The following CHSY3 variants were observed in gnomAD, a reference collection of about 807,000 sequenced individuals.
CHSY3 encodes chondroitin sulfate synthase 3.
In CHSY3, 35 loss-of-function variants were observed where a neutral mutation model predicts 67.2. The observed-to-expected ratio is 0.52, with a 90% CI of 0.40 to 0.69. The LOEUF is 0.69. Ranked by LOEUF, CHSY3 falls within the 30% of genes least tolerant of loss-of-function variation. The pLI is 0.00. For missense variants in CHSY3, 1,069 were observed against 1,138.5 expected (o/e 0.94, Z 0.88); for synonymous variants, 474 against 434.7 (o/e 1.09, Z -1.12).
At chr5:130,158,659 G>A (rs1247855505) in intron 2 of CHSY3, among the ~76,000 whole-genome samples, 1 of 152,166 alleles carries the variant, frequency 6.6e-6, no homozygotes, top group African/African-American at 2.4e-5. Flanking sequence ...TCTAAGTGGT[G>A]ACCTTTTATA....
At chr5:130,092,363 A>C (rs985354575) in intron 2 of CHSY3, among the ~76,000 whole-genome samples, 6 of 152,206 alleles carry the variant, frequency 3.9e-5, no homozygotes, top group Admixed American at 1.3e-4. Context: ...CTAATAAGCT[A>C]GACCTGCATA....
At chr5:129,990,696 A>G (rs954043573) in intron 2 of CHSY3, among the ~76,000 whole-genome samples, 7 of 152,136 alleles carry the variant, frequency 4.6e-5, no homozygotes, top group Non-Finnish European at 8.8e-5. Flanking sequence ...CTTATATTCA[A>G]TTATTTCTTA....
At chr5:129,937,176 G>A (rs1318426691) in intron 2 of CHSY3, among the ~76,000 whole-genome samples, 1 of 152,142 alleles carries the variant, frequency 6.6e-6, no homozygotes, top group African/African-American at 2.4e-5. Context: ...GGTTTAATTG[G>A]TTCATGGTTA....
At chr5:130,174,053 T>A (rs2149734097) in intron 2 of CHSY3, among the ~76,000 whole-genome samples, 1 of 152,212 alleles carries the variant, frequency 6.6e-6, no homozygotes, top group African/African-American at 2.4e-5. Context: ...CATAACTAAA[T>A]CATCAACAAT....
chr5:130,083,369 G>A (rs1003166455), intron 2 of CHSY3, among the ~76,000 whole-genome samples: 7 of 151,900 alleles, frequency 4.6e-5, no homozygotes, highest in Admixed American at 2.0e-4. Flanking sequence ...ATCCTCTTCT[G>A]TTACTTTTAA....
At chr5:130,184,149 G>T in intron 2 of CHSY3, 80 bp from the exon 3 acceptor site, 1 of 1,275,336 alleles carries the variant, frequency 7.8e-7, no homozygotes, top group Non-Finnish European at 1.0e-6. Flanking sequence ...TTTTCATTTA[G>T]ATGCTTTAGT....
intron 2 of CHSY3, among the ~76,000 whole-genome samples, chr5:130,110,468 T>C (rs888025804): frequency 8.6e-5 from 13 of 152,006 alleles, no homozygotes; most frequent in Non-Finnish European, 1.8e-4. Flanking sequence ...AAGAAATGTG[T>C]TCTGACATTT....
chr5:130,124,952 A>G (rs1768215541), intron 2 of CHSY3, among the ~76,000 whole-genome samples: 1 of 152,222 alleles, frequency 6.6e-6, no homozygotes, highest in African/African-American at 2.4e-5. Context: ...TCTCAATGCC[A>G]GTAAAAATTC....
chr5:129,904,496 G>A lies in CHSY3; in HGVS notation c.-334G>A. ...AGGGTGGCAGCCTAGGAGCGGACGCGTTGCCGCCGCCGCTGCTCCTCCTCC... is the reference window on the plus strand; with the variant it reads ...AGGGTGGCAGCCTAGGAGCGGACGCATTGCCGCCGCCGCTGCTCCTCCTCC... On this transcript the variant is annotated 5_prime_UTR_variant, in exon 1 of 3. Coordinates refer to ENST00000305031, the MANE Select transcript of CHSY3 (RefSeq NM_175856.5). 1 of 230,720 alleles carries A rather than the reference G, an allele frequency of 4.3e-6. No homozygotes were observed. The highest frequency in any genetic ancestry group is 8.3e-6 in the Non-Finnish European group (1 of 120,192). 14.3% of individuals were successfully genotyped at this position (230,720 alleles called of 1,614,324 possible).
intron 2 of CHSY3, among the ~76,000 whole-genome samples, chr5:130,025,714 C>G (rs1005371728): frequency 6.6e-6 from 1 of 151,936 alleles, no homozygotes; most frequent in Admixed American, 6.6e-5. Context: ...AGCAGAAGGG[C>G]CAGGGAACTC....
At chr5:129,964,590 G>A (rs973003655) in intron 2 of CHSY3, among the ~76,000 whole-genome samples, 3 of 151,650 alleles carry the variant, frequency 2.0e-5, no homozygotes, top group Non-Finnish European at 4.4e-5. Flanking sequence ...ACAATGCGCA[G>A]TCCTATCTCG....
intron 2 of CHSY3, among the ~76,000 whole-genome samples, chr5:129,910,504 C>A (rs1760499538): frequency 6.6e-6 from 1 of 151,760 alleles, no homozygotes; most frequent in Non-Finnish European, 1.5e-5. Flanking sequence ...TGATTTAATT[C>A]TAATAAAAAA....
At chr5:130,119,839 G>C (rs1161996445) in intron 2 of CHSY3, among the ~76,000 whole-genome samples, 1 of 151,732 alleles carries the variant, frequency 6.6e-6, no homozygotes, top group South Asian at 2.1e-4. Context: ...TTTAGTCTAC[G>C]CAAAAAGGCA....
At position 130,143,736 on chromosome 5, in the gene CHSY3, ATATATATATATATATATATATGTGTGTG is replaced by A. The variant is rs1561557047; in HGVS notation, c.1087-40491_1087-40464del. Among the ~76,000 whole-genome samples, 528 of 95,212 alleles carry A rather than the reference ATATATATATATATATATATATGTGTGTG, an allele frequency of 5.5e-3. 7 individuals are homozygous for A. Among genetic ancestry groups the A allele is most frequent in the Non-Finnish European group, 6.8e-3 (330 of 48,266 alleles). 62.5% of individuals were successfully genotyped at this position (95,212 alleles called of 152,430 possible). ...TATATATATATGTGTGTGTGTGTGT[ATATATATATATATATATATATGTGTGTG>A]TGTGTATATATATATATGTGTATAT... On this transcript the variant is annotated intron_variant, in intron 2 of 2. Transcript: ENST00000305031.
At chr5:129,964,001 C>T (rs1481814189) in intron 2 of CHSY3, among the ~76,000 whole-genome samples, 1 of 151,922 alleles carries the variant, frequency 6.6e-6, no homozygotes, top group Non-Finnish European at 1.5e-5. Flanking sequence ...TCACTTTCTC[C>T]ATCCTCACTG....
chr5:129,972,267 C>T (rs892978727), intron 2 of CHSY3, among the ~76,000 whole-genome samples: 1 of 151,844 alleles, frequency 6.6e-6, no homozygotes, highest in African/African-American at 2.4e-5. Flanking sequence ...TCTAAATGGA[C>T]CTTAGGGTTG....
chr5:130,132,565 T>TTAGA (rs1179360919), intron 2 of CHSY3, among the ~76,000 whole-genome samples: 12 of 152,312 alleles, frequency 7.9e-5, no homozygotes, highest in African/African-American at 2.9e-4. Context: ...ATATAAGTAG[T>TTAGA]TAGACCTTCT....
chr5:129,935,962 A>T (rs1251564119), intron 2 of CHSY3, among the ~76,000 whole-genome samples: 1 of 152,226 alleles, frequency 6.6e-6, no homozygotes, highest in Non-Finnish European at 1.5e-5. Flanking sequence ...TTGTTGATTC[A>T]AACACACTTT....
Position 129,919,301 on chromosome 5 carries a change from G to A in CHSY3, c.1086+10941G>A, listed in dbSNP as rs188100300. ...ACACATATCAGTATTACAGAATGCT[G>A]GGATAAATGTGCAAATAGATGCAAA... On this transcript the variant is annotated intron_variant, in intron 2 of 2. Transcript: ENST00000305031. 1.2e-4 allele frequency among the ~76,000 whole-genome samples: 18 copies of A among 152,142 alleles called. 1 individual carries two copies. Among genetic ancestry groups the A allele is most frequent in the African/African-American group, 4.1e-4 (17 of 41,514 alleles).
Sources: allele counts gnomAD v4.1 joint callset (sites outside exome capture counted in the v4.1 genomes callset), GRCh38; gene constraint gnomAD v4.1.1; transcripts MANE v1.5; gene names NCBI Gene and HGNC (gene_info 2026-07-23, HGNC 2026-07-21).